The following CCDC85C variants were observed in gnomAD, a reference collection of about 807,000 sequenced individuals.
CCDC85C encodes coiled-coil domain-containing protein 85C.
CCDC85C carries 18 observed loss-of-function variants against 38.3 expected under a neutral mutation model. The ratio of observed to expected loss-of-function variants is 0.47; its 90% CI spans 0.33 to 0.70. The LOEUF (loss-of-function observed/expected upper bound fraction) is 0.70, where lower values mean the gene tolerates loss of function less well. Among genes scored for constraint, CCDC85C ranks in the 30% least tolerant of loss-of-function variants. The pLI is 0.03. For synonymous variants in CCDC85C, 264 were observed against 293.8 expected, an observed-to-expected ratio of 0.90 and a Z score of 1.04; for missense variants, 566 against 621.2, an observed-to-expected ratio of 0.91 and a Z score of 0.94.
At chr14:99,593,231 C>T (rs889322283) in intron 1 of CCDC85C, among the ~76,000 whole-genome samples, 7 of 152,238 alleles carry the variant, frequency 4.6e-5, no homozygotes, top group African/African-American at 1.2e-4. Context: ...TAGACAAGAG[C>T]GGGCCTCCTT....
chr14:99,528,331 C>A (rs1365862631), intron 2 of CCDC85C, among the ~76,000 whole-genome samples: 1 of 152,220 alleles, frequency 6.6e-6, no homozygotes, highest in Non-Finnish European at 1.5e-5. Flanking sequence ...CTTCCCTGGA[C>A]ATCTATTAGC....
At chr14:99,534,779 C>A (rs997348226) in intron 2 of CCDC85C, 4 of 699,960 alleles carry the variant, frequency 5.7e-6, no homozygotes, top group African/African-American at 3.5e-5. Flanking sequence ...CCTGCCCTCA[C>A]CAGCCCTGGG....
rs1433986474 is a variant in CCDC85C at position 99,603,275 on chromosome 14, G to T, written c.685C>A (p.Pro229Thr). The change falls in exon 1 of 6, where the codon CCC (proline) becomes ACC (threonine). Residue 229 changes from proline to threonine, a missense_variant. By Grantham distance (38) the Pro-to-Thr change is conservative. Around this residue, in one of 3 missense-constraint regions of CCDC85C, gnomAD observed 286 missense variants for 276.4 expected, o/e 1.03. Transcript: ENST00000380243. This position sits in a 1 kb window ranked among gnomAD's most constrained non-coding sequence, Gnocchi z 7.5. ...HHHHVPPPLL[P>T]PGPHKAPDGK... ...TCGGGGGCCTTGTGCGGCCCGGGGG[G>T]CAGCAGCGGGGGTGGGACGTGGTGG... The T allele has an allele frequency of 1.4e-6, 2 of 1,381,580 alleles. No homozygotes were observed. Among genetic ancestry groups the T allele is most frequent in the Non-Finnish European group, 1.9e-6 (2 of 1,073,154 alleles). 85.6% of individuals were successfully genotyped at this position (1,381,580 alleles called of 1,614,324 possible). A position where few individuals can be genotyped will look rare whatever the true frequency, so the allele number is the denominator to read the frequency against.
intron 3 of CCDC85C, 30 bp from the exon 4 acceptor site, chr14:99,517,213 A>G: frequency 6.7e-7 from 1 of 1,483,394 alleles, no homozygotes; most frequent in Non-Finnish European, 9.1e-7. Context: ...ATCTCAGCTC[A>G]CCCTGGCTGG....
At chr14:99,579,374 G>C (rs1003057616) in intron 1 of CCDC85C, among the ~76,000 whole-genome samples, 1 of 152,214 alleles carries the variant, frequency 6.6e-6, no homozygotes, top group African/African-American at 2.4e-5. Context: ...AGGGGGGCAG[G>C]GAGGCCCAGT....
intron 3 of CCDC85C, 122 bp from the exon 4 acceptor site, chr14:99,517,305 G>A (rs1454363317): frequency 1.3e-5 from 10 of 756,510 alleles, no homozygotes; most frequent in Admixed American, 2.9e-5. Flanking sequence ...AGGGGACCGG[G>A]GTGAGGCAGA....
chr14:99,514,991 G>T lies in CCDC85C; in HGVS notation c.*255C>A, dbSNP rs976639824. Reference sequence around the variant, plus strand: ...CCAGGGCCCAGAGGGGGAATGAGGCGTCCGGGCCGCTCTGCTGCAGGAACA... The same window carrying T: ...CCAGGGCCCAGAGGGGGAATGAGGCTTCCGGGCCGCTCTGCTGCAGGAACA... On this transcript the variant is annotated 3_prime_UTR_variant, in exon 6 of 6. Transcript: ENST00000380243. 2 of 402,730 alleles carry T rather than the reference G, an allele frequency of 5.0e-6. No homozygotes were observed. The highest frequency in any genetic ancestry group is 4.1e-5 in the Admixed American group (1 of 24,346). 24.9% of individuals were successfully genotyped at this position (402,730 alleles called of 1,614,324 possible).
At position 99,510,423 on chromosome 14, in the gene CCDC85C, C is replaced by T; in HGVS notation, c.*4823G>A. 2 of 1,548,096 alleles carry T rather than the reference C, an allele frequency of 1.3e-6. No homozygotes were observed. The highest frequency in any genetic ancestry group is 8.7e-7 in the Non-Finnish European group (1 of 1,146,504). ...CGAGGGACCCTCCTACGGTGCCCTG[C>T]CCCCCGCCTACGGCCCACCTGCACA... On this transcript the variant is annotated 3_prime_UTR_variant, in exon 6 of 6. Coordinates refer to ENST00000380243, the MANE Select transcript of CCDC85C (RefSeq NM_001144995.2).
At position 99,572,874 on chromosome 14, in the gene CCDC85C, T is replaced by C. The variant is rs183968950; in HGVS notation, c.793+30293A>G. 4.9e-3 allele frequency: 2,235 copies of C among 454,606 alleles called. 30 individuals carry two copies. Among genetic ancestry groups the C allele is most frequent in the Middle Eastern group, 0.044 (132 of 2,990 alleles). 28.2% of individuals were successfully genotyped at this position (454,606 alleles called of 1,614,324 possible). On this transcript the variant is annotated intron_variant, in intron 1 of 5. Coordinates refer to ENST00000380243, the MANE Select transcript of CCDC85C (RefSeq NM_001144995.2). The surrounding 1 kb of genome is among the most constrained non-coding windows in gnomAD (Gnocchi z 4.4). Reference sequence around the variant, plus strand: ...GCTCAGTAAACGGCTAAGGAAGGAATGTCTGCCCAAGTCCCAGGCAGGGTG... The same window carrying C: ...GCTCAGTAAACGGCTAAGGAAGGAACGTCTGCCCAAGTCCCAGGCAGGGTG...
chr14:99,595,463 T>A (rs1595109096), intron 1 of CCDC85C, among the ~76,000 whole-genome samples: 1 of 152,234 alleles, frequency 6.6e-6, no homozygotes, highest in African/African-American at 2.4e-5. Context: ...GCTAGGCTGG[T>A]CTTGAACTCC....
rs1477037803 is a variant in CCDC85C, at chr14:99,558,003, A to G, written c.794-21915T>C. ...CATAAAATAGCTGAAAGGATGAAAT[A>G]TCACAGAAGAAAGTGCGTGTGCAGC... On this transcript the variant is annotated intron_variant, in intron 1 of 5. Coordinates refer to ENST00000380243, the MANE Select transcript of CCDC85C (RefSeq NM_001144995.2). This position sits in a 1 kb window ranked among gnomAD's most constrained non-coding sequence, Gnocchi z 4.2. Among the ~76,000 whole-genome samples, 1 of 152,252 alleles carries G rather than the reference A, an allele frequency of 6.6e-6. No homozygotes were observed. Among genetic ancestry groups the G allele is most frequent in the African/African-American group, 2.4e-5 (1 of 41,458 alleles).
At chr14:99,536,923 A>T (rs1220122312) in intron 1 of CCDC85C, among the ~76,000 whole-genome samples, 2 of 152,168 alleles carry the variant, frequency 1.3e-5, no homozygotes, top group Non-Finnish European at 2.9e-5. Flanking sequence ...GAGTCAGCTC[A>T]GCTGCCAGGA....
At position 99,502,970 on chromosome 14, in the gene CCDC85C, G is replaced by A. The variant is rs771462544; in HGVS notation, c.*12276C>T. 6.2e-7 allele frequency: 1 copy of A among 1,613,876 alleles called. No homozygotes were observed. Among genetic ancestry groups the A allele is most frequent in the Non-Finnish European group, 8.5e-7 (1 of 1,179,912 alleles). Reference sequence around the variant, plus strand: ...TCCGCAGCCCAGTTCTCCCCGACAGGTTAAGCGAGCCGTGGTGAGTGGGCT... The same window carrying A: ...TCCGCAGCCCAGTTCTCCCCGACAGATTAAGCGAGCCGTGGTGAGTGGGCT... On this transcript the variant is annotated 3_prime_UTR_variant, in exon 6 of 6. Coordinates refer to ENST00000380243, the MANE Select transcript of CCDC85C (RefSeq NM_001144995.2).
chr14:99,560,019 T>A lies in CCDC85C; in HGVS notation c.794-23931A>T, dbSNP rs1166970681. Among the ~76,000 whole-genome samples, 6 of 124,100 alleles carry A rather than the reference T, an allele frequency of 4.8e-5. No homozygotes were observed. The South Asian group carries it at 7.8e-4, about 16-fold the overall frequency. The allele number at this position is 124,100 out of a possible 152,430, so 81.4% of individuals were successfully genotyped here. Reference sequence around the variant, plus strand: ...TCCCCTTTGAAATTAAAAAAAAAAATCAAACCTGCACCTAGGCCCCACTCA... The same window carrying A: ...TCCCCTTTGAAATTAAAAAAAAAAAACAAACCTGCACCTAGGCCCCACTCA... On this transcript the variant is annotated intron_variant, in intron 1 of 5. Transcript: ENST00000380243.
At chr14:99,527,623 G>A (rs1223929930) in intron 2 of CCDC85C, among the ~76,000 whole-genome samples, 2 of 152,176 alleles carry the variant, frequency 1.3e-5, no homozygotes, top group Non-Finnish European at 2.9e-5. Flanking sequence ...CTGCAGCCCA[G>A]GGTGCCTGGC....
rs1897074658 is a variant in CCDC85C at position 99,509,826 on chromosome 14, C to T, written c.*5420G>A. ...TTCTGAAGGCAGAAAAACAGAGGAG[C>T]CCCCACACGTTTTGCACTAGGAAGA... On this transcript the variant is annotated 3_prime_UTR_variant, in exon 6 of 6. Coordinates refer to ENST00000380243, the MANE Select transcript of CCDC85C (RefSeq NM_001144995.2). 1 of 384,742 alleles carries T rather than the reference C, an allele frequency of 2.6e-6. No individual in the cohort carries two copies. The highest frequency in any genetic ancestry group is 4.2e-5 in the Admixed American group (1 of 23,628). The allele number at this position is 384,742 out of a possible 1,614,324, so 23.8% of individuals were successfully genotyped here. A position where few individuals can be genotyped will look rare whatever the true frequency, so the allele number is the denominator to read the frequency against.
At chr14:99,543,987 G>A (rs902551204) in intron 1 of CCDC85C, among the ~76,000 whole-genome samples, 13 of 152,188 alleles carry the variant, frequency 8.5e-5, no homozygotes, top group Non-Finnish European at 1.8e-4. Flanking sequence ...TGCCCTGGGC[G>A]TGGAAAAGAG....
rs1458290911 is a variant in CCDC85C, at chr14:99,603,592, G to C, written c.368C>G (p.Ser123Trp). 4 of 1,429,080 alleles carry C rather than the reference G, an allele frequency of 2.8e-6. No homozygotes were observed. Among genetic ancestry groups the C allele is most frequent in the Middle Eastern group, 2.2e-4 (1 of 4,484 alleles). The allele number at this position is 1,429,080 out of a possible 1,614,324, so 88.5% of individuals were successfully genotyped here. The change falls in exon 1 of 6, where the codon TCG becomes TGG. Residue 123 changes from serine to tryptophan, a missense_variant. Transcript: ENST00000380243. This position sits in a 1 kb window ranked among gnomAD's most constrained non-coding sequence, Gnocchi z 7.5. ...CTCGAGCTCGCGCAGCTTCTGCTGC[G>C]AGCGGGCCACCTCGTGCCACACGGC... ...AGAVWHEVARSQQKLRELEAR... is the reference protein window; with the variant it reads ...AGAVWHEVARWQQKLRELEAR...
At chr14:99,542,361 T>A (rs935012381) in intron 1 of CCDC85C, among the ~76,000 whole-genome samples, 5 of 152,138 alleles carry the variant, frequency 3.3e-5, no homozygotes, top group African/African-American at 9.7e-5. Context: ...TACCACCAAC[T>A]GCGGGGAGCT....
Sources: gnomAD v4.1 joint callset for allele counts (sites outside exome capture counted in the v4.1 genomes callset) on GRCh38, gnomAD v4.1.1 for gene constraint, gnomAD v4.1.1 regional missense constraint, Gnocchi (gnomAD v3.1) non-coding constraint, MANE v1.5 for transcripts, NCBI Gene and HGNC (gene_info 2026-07-23, HGNC 2026-07-21) for gene names.